The following SHISA9 variants were observed in gnomAD, a reference collection of about 807,000 sequenced individuals.
The protein encoded by SHISA9 is protein shisa-9.
Under a neutral mutation model 38.0 loss-of-function variants are expected in SHISA9, and 13 were observed. The ratio of observed to expected loss-of-function variants is 0.34; its 90% CI spans 0.22 to 0.54. The LOEUF is 0.54. Among genes scored for constraint, SHISA9 ranks in the 20% least tolerant of loss-of-function variants. SHISA9 has a pLI of 0.91. For missense variants in SHISA9, 538 were observed against 575.8 expected (o/e 0.93, Z 0.67); for synonymous variants, 275 against 242.0 (o/e 1.14, Z -1.27).
chr16:13,439,591 G>A, the SHISA9 span, among the ~76,000 whole-genome samples: 2 of 152,202 alleles, frequency 1.3e-5, no homozygotes, highest in African/African-American at 2.4e-5. Context: ...TCTTTCAGAT[G>A]TAATGGCTTG....
chr16:13,335,889 C>G, the SHISA9 span, among the ~76,000 whole-genome samples: 11 of 152,194 alleles, frequency 7.2e-5, no homozygotes, highest in African/African-American at 2.4e-4. Context: ...GACATATTAT[C>G]AACCAAAGAA....
At chr16:13,143,838 G>T (rs2050423753) in intron 2 of SHISA9, among the ~76,000 whole-genome samples, 1 of 152,186 alleles carries the variant, frequency 6.6e-6, no homozygotes, top group Non-Finnish European at 1.5e-5. Flanking sequence ...TCCACATTCA[G>T]TGACTTTACA....
the SHISA9 span, among the ~76,000 whole-genome samples, chr16:13,379,621 C>A: frequency 6.6e-6 from 1 of 152,194 alleles, no homozygotes; most frequent in Non-Finnish European, 1.5e-5. Context: ...TCCCTTCTCC[C>A]TGTTTCCAGT....
the SHISA9 span, among the ~76,000 whole-genome samples, chr16:13,446,628 G>T: frequency 6.6e-6 from 1 of 152,060 alleles, no homozygotes; most frequent in African/African-American, 2.4e-5. Flanking sequence ...AAGGCAACTT[G>T]TTGAGACTGT....
chr16:13,191,757 A>C lies in SHISA9; in HGVS notation c.692-11637A>C, dbSNP rs574167924. On this transcript the variant is annotated intron_variant, in intron 2 of 4. Transcript: ENST00000558583. ...CTGAGGCCACATCATAGGGTATAGA[A>C]GGTGTGTTGCAAACAGTGGAGATGA... is the stretch of plus-strand genomic sequence containing the variant. Among the ~76,000 whole-genome samples the C allele has an allele frequency of 1.8e-4, 28 of 152,282 alleles. No homozygotes were observed. The South Asian group carries it at 5.6e-3, about 30-fold the overall frequency.
At chr16:12,959,472 T>C (rs1455529999) in intron 2 of SHISA9, among the ~76,000 whole-genome samples, 2 of 152,210 alleles carry the variant, frequency 1.3e-5, no homozygotes, top group Admixed American at 1.3e-4. Flanking sequence ...ATCACCCCTC[T>C]ACTGTCCACT....
the SHISA9 span, among the ~76,000 whole-genome samples, chr16:13,320,178 C>A: frequency 6.6e-6 from 1 of 150,544 alleles, no homozygotes; most frequent in Admixed American, 6.7e-5. Flanking sequence ...GTAGTCCCAG[C>A]TACTCAGGAG....
the SHISA9 span, among the ~76,000 whole-genome samples, chr16:13,523,891 A>G: frequency 6.6e-6 from 1 of 152,216 alleles, no homozygotes; most frequent in African/African-American, 2.4e-5. Flanking sequence ...GGACTGTTTT[A>G]GGAGCTGTAT....
At chr16:13,292,767 G>A in the SHISA9 span, among the ~76,000 whole-genome samples, 1 of 152,114 alleles carries the variant, frequency 6.6e-6, no homozygotes, top group Non-Finnish European at 1.5e-5. Context: ...ACCCTGAGAG[G>A]TTATCTAGAA....
chr16:13,169,836 T>C (rs908124596), intron 2 of SHISA9, among the ~76,000 whole-genome samples: 1 of 152,132 alleles, frequency 6.6e-6, no homozygotes, highest in African/African-American at 2.4e-5. Flanking sequence ...CTTTCCTGGG[T>C]TGCACTGGGT....
chr16:13,064,784 C>CAAAAAAAAAAAAAAAAAAAA (rs72435637), intron 2 of SHISA9, among the ~76,000 whole-genome samples: 1 of 82,374 alleles, frequency 1.2e-5, no homozygotes, highest in Non-Finnish European at 3.0e-5. Flanking sequence ...AGTTGTAAGG[C>CAAAAAAAAAAAAAAAAAAAA]AAAAAAAAAA....
chr16:13,219,667 G>A (rs929704332), intron 4 of SHISA9, among the ~76,000 whole-genome samples: 5 of 152,192 alleles, frequency 3.3e-5, no homozygotes, highest in African/African-American at 9.6e-5. Context: ...GGGAAGTGGA[G>A]GGATATGACA....
chr16:13,181,637 T>G (rs1312079514), intron 2 of SHISA9, among the ~76,000 whole-genome samples: 1 of 151,744 alleles, frequency 6.6e-6, no homozygotes, highest in African/African-American at 2.4e-5. Context: ...TCATAGCTCG[T>G]GTGTTAGAGA....
chr16:13,508,762 T>C, the SHISA9 span, among the ~76,000 whole-genome samples: 1 of 152,202 alleles, frequency 6.6e-6, no homozygotes. Context: ...GTTCACTAGC[T>C]AAGAAACTTT....
intron 2 of SHISA9, among the ~76,000 whole-genome samples, chr16:12,987,681 A>G (rs1480915833): frequency 6.6e-6 from 1 of 152,194 alleles, no homozygotes; most frequent in African/African-American, 2.4e-5. Context: ...GCTAACCACC[A>G]TGGCACACGT....
chr16:13,295,062 G>T, the SHISA9 span, among the ~76,000 whole-genome samples: 1 of 152,080 alleles, frequency 6.6e-6, no homozygotes, highest in Non-Finnish European at 1.5e-5. Flanking sequence ...TTGGTACCTT[G>T]TCCGCAATCA....
At chr16:12,940,459 T>A (rs1213990759) in intron 2 of SHISA9, among the ~76,000 whole-genome samples, 1 of 147,122 alleles carries the variant, frequency 6.8e-6, no homozygotes, top group East Asian at 2.2e-4. Flanking sequence ...CTCACCTCAC[T>A]ATGTGCCTGC....
At chr16:13,011,263 A>G (rs142482501) in intron 2 of SHISA9, among the ~76,000 whole-genome samples, 1 of 152,160 alleles carries the variant, frequency 6.6e-6, no homozygotes, top group Non-Finnish European at 1.5e-5. Flanking sequence ...TGTAGATAGT[A>G]AAATAGTTAC....
chr16:12,988,634 C>T (rs1484554806), intron 2 of SHISA9, among the ~76,000 whole-genome samples: 1 of 152,126 alleles, frequency 6.6e-6, no homozygotes, highest in African/African-American at 2.4e-5. Flanking sequence ...AACCGATTCT[C>T]CTCCCTCAGC....
Sources: allele counts gnomAD v4.1 joint callset (sites outside exome capture counted in the v4.1 genomes callset), GRCh38; gene constraint gnomAD v4.1.1; transcripts MANE v1.5; gene names NCBI Gene and HGNC (gene_info 2026-07-23, HGNC 2026-07-21).